PTPRM: variants seen among roughly 807,000 people sequenced by gnomAD.
The protein encoded by PTPRM is receptor-type tyrosine-protein phosphatase mu.
In PTPRM, 47 loss-of-function variants were observed where a neutral mutation model predicts 186.7. That is an observed-to-expected ratio of 0.25 (90% CI 0.20 to 0.32). PTPRM has a LOEUF of 0.32. PTPRM is among the 10% of genes least tolerant of loss of function. The probability of loss-of-function intolerance (pLI) is 1.00; values close to 1 mark genes in which losing one functional copy is unlikely to be tolerated. For synonymous variants in PTPRM, 668 were observed against 674.9 expected, an observed-to-expected ratio of 0.99 and a Z score of 0.16; for missense variants, 1,494 against 1,865.0, an observed-to-expected ratio of 0.80 and a Z score of 3.66.
intron 1 of PTPRM, among the ~76,000 whole-genome samples, chr18:7,650,454 C>A (rs988117310): frequency 2.1e-5 from 3 of 146,202 alleles, no homozygotes; most frequent in East Asian, 4.2e-4. Context: ...TCCCCCCCCC[C>A]CCCACTGTAA....
chr18:8,376,185 T>G lies in PTPRM; in HGVS notation c.3311T>G (p.Leu1104Arg). 6.2e-7 allele frequency: 1 copy of G among 1,612,418 alleles called. No homozygotes were observed. The highest frequency in any genetic ancestry group is 8.5e-7 in the Non-Finnish European group (1 of 1,179,444). ...AAGAGCCCGCCCAGTGCAGGCCCAC[T>G]GGTGGTGCACTGCAGGTAAGCAGAG... is the stretch of plus-strand genomic sequence containing the variant. ...KSKSPPSAGP[L>R]VVHCSAGAGR... The change falls in exon 25 of 33, where the codon CTG (leucine) becomes CGG (arginine). Residue 1104 changes from leucine (L) to arginine (R), a missense_variant. Leu to Arg is a moderately radical substitution (Grantham distance 102). Coordinates refer to ENST00000580170, the MANE Select transcript of PTPRM (RefSeq NM_001105244.2).
intron 2 of PTPRM, among the ~76,000 whole-genome samples, chr18:7,807,499 C>A (rs1436337179): frequency 6.6e-6 from 1 of 152,204 alleles, no homozygotes; most frequent in Non-Finnish European, 1.5e-5. Flanking sequence ...CACCTCCCGC[C>A]CATGTTGTGT....
In PTPRM at chr18:8,027,722, T is replaced by C. The variant is rs149480430; in HGVS notation, c.1133-41964T>C. 5.0e-3 allele frequency among the ~76,000 whole-genome samples: 761 copies of C among 152,270 alleles called. 6 individuals are homozygous for C. Among genetic ancestry groups the C allele is most frequent in the African/African-American group, 0.017 (727 of 41,552 alleles). ...TTCTGAATTAGTATCAAAGATTAGA[T>C]AAAGAAGATCCAAGTGAAAAACTAT... On this transcript the variant is annotated intron_variant, in intron 7 of 32. Coordinates refer to ENST00000580170, the MANE Select transcript of PTPRM (RefSeq NM_001105244.2).
intron 1 of PTPRM, among the ~76,000 whole-genome samples, chr18:7,677,228 A>C (rs1455833308): frequency 6.6e-6 from 1 of 152,214 alleles, no homozygotes; most frequent in Non-Finnish European, 1.5e-5. Context: ...ACGAAGTCCT[A>C]CCAGATTCTT....
intron 5 of PTPRM, among the ~76,000 whole-genome samples, chr18:7,930,495 T>C (rs1396897487): frequency 6.6e-6 from 1 of 152,224 alleles, no homozygotes; most frequent in Non-Finnish European, 1.5e-5. Context: ...GTTGGAAGTT[T>C]AGGATTGTCC....
intron 1 of PTPRM, among the ~76,000 whole-genome samples, chr18:7,759,980 T>C (rs1024928165): frequency 1.3e-5 from 2 of 152,176 alleles, no homozygotes; most frequent in Admixed American, 6.5e-5. Context: ...TCACCTAAAA[T>C]GGGTCCCAGC....
At position 7,823,775 on chromosome 18, in the gene PTPRM, G is replaced by C. The variant is rs145658113; in HGVS notation, c.196+49504G>C. On this transcript the variant is annotated intron_variant, in intron 2 of 32. Coordinates refer to ENST00000580170, the MANE Select transcript of PTPRM (RefSeq NM_001105244.2). Reference sequence around the variant, plus strand: ...CCCTTGGGTCGGCTTCCCTGCTTTTGAGGTTTTGGGACTTGGACTGGCTTC... The same window carrying C: ...CCCTTGGGTCGGCTTCCCTGCTTTTCAGGTTTTGGGACTTGGACTGGCTTC... 2.8e-3 allele frequency among the ~76,000 whole-genome samples: 419 copies of C among 152,260 alleles called. 1 individual carries two copies. Among genetic ancestry groups the C allele is most frequent in the African/African-American group, 9.6e-3 (399 of 41,552 alleles).
chr18:8,056,177 C>T (rs1012295682), intron 7 of PTPRM, among the ~76,000 whole-genome samples: 21 of 152,102 alleles, frequency 1.4e-4, no homozygotes, highest in African/African-American at 5.1e-4. Flanking sequence ...TGCTTTCATA[C>T]AAACACAATA....
intron 14 of PTPRM, among the ~76,000 whole-genome samples, chr18:8,151,041 G>A (rs2092994440): frequency 6.6e-6 from 1 of 152,112 alleles, no homozygotes; most frequent in South Asian, 2.1e-4. Flanking sequence ...GCCGCTCAGA[G>A]CTCTCCTGTA....
intron 14 of PTPRM, among the ~76,000 whole-genome samples, chr18:8,208,063 G>A (rs1462820795): frequency 2.0e-5 from 3 of 152,244 alleles, no homozygotes; most frequent in African/African-American, 7.2e-5. Flanking sequence ...GAAATGAGCA[G>A]AGTCTAGAAC....
At chr18:8,052,684 A>G (rs1477470263) in intron 7 of PTPRM, among the ~76,000 whole-genome samples, 2 of 152,222 alleles carry the variant, frequency 1.3e-5, no homozygotes, top group Non-Finnish European at 2.9e-5. Context: ...GTGAAGGAAT[A>G]CTATTCTAGG....
chr18:8,101,885 C>A (rs751793465), intron 11 of PTPRM, among the ~76,000 whole-genome samples: 1 of 152,160 alleles, frequency 6.6e-6, no homozygotes, highest in Non-Finnish European at 1.5e-5. Context: ...CCTTTGCAGA[C>A]GTGGACTATT....
intron 1 of PTPRM, among the ~76,000 whole-genome samples, chr18:7,674,824 T>C (rs937710891): frequency 2.0e-5 from 3 of 152,234 alleles, no homozygotes; most frequent in African/African-American, 7.2e-5. Flanking sequence ...AGCTCTGCCT[T>C]GGTAGGCTCT....
chr18:7,685,941 A>G (rs1483887606), intron 1 of PTPRM, among the ~76,000 whole-genome samples: 1 of 152,180 alleles, frequency 6.6e-6, no homozygotes, highest in Non-Finnish European at 1.5e-5. Context: ...CTTAAAGCAG[A>G]AAAGGAATTT....
chr18:8,200,123 A>G lies in PTPRM; in HGVS notation c.2301-43935A>G, dbSNP rs1184164097. On this transcript the variant is annotated intron_variant, in intron 14 of 32. Transcript: ENST00000580170. ...GAAGCCCTGAAACTCACCTGATAGC[A>G]GTGTCCTTGGGACTGAATATAAACT... Among the ~76,000 whole-genome samples the G allele has an allele frequency of 2.0e-5, 3 of 152,194 alleles. No individual in the cohort carries two copies. In the South Asian group the frequency reaches 6.2e-4, roughly 32 times the overall value.
At chr18:8,263,115 C>CG (rs2094652540) in intron 19 of PTPRM, among the ~76,000 whole-genome samples, 1 of 149,532 alleles carries the variant, frequency 6.7e-6, no homozygotes, top group African/African-American at 2.5e-5. Context: ...TGAGGATAGA[C>CG]TTTTTTTTTT....
chr18:7,931,481 G>A (rs2051481682), intron 5 of PTPRM, among the ~76,000 whole-genome samples: 1 of 152,128 alleles, frequency 6.6e-6, no homozygotes, highest in Non-Finnish European at 1.5e-5. Flanking sequence ...CGAGGTGGGT[G>A]GATCATGAGA....
chr18:8,081,672 GT>G (rs1398645976), intron 9 of PTPRM, among the ~76,000 whole-genome samples: 1 of 152,166 alleles, frequency 6.6e-6, no homozygotes, highest in African/African-American at 2.4e-5. Context: ...GGGTTGTAGA[GT>G]TAGAGTGCCC....
At chr18:7,718,188 A>G (rs1420329776) in intron 1 of PTPRM, among the ~76,000 whole-genome samples, 1 of 152,238 alleles carries the variant, frequency 6.6e-6, no homozygotes, top group Non-Finnish European at 1.5e-5. Context: ...CTAGTTACCA[A>G]AACGGCATGG....
Sources: allele counts gnomAD v4.1 joint callset (sites outside exome capture counted in the v4.1 genomes callset), GRCh38; gene constraint gnomAD v4.1.1; transcripts MANE v1.5; gene names NCBI Gene and HGNC (gene_info 2026-07-23, HGNC 2026-07-21).